The following NEK5 variants were observed in gnomAD, a reference collection of about 807,000 sequenced individuals.
NEK5 encodes serine/threonine-protein kinase Nek5.
NEK5 carries 88 observed loss-of-function variants against 109.2 expected under a neutral mutation model. That is an observed-to-expected ratio of 0.81 (90% confidence interval 0.68 to 0.96). NEK5 has a LOEUF of 0.96. Ranked by LOEUF, NEK5 falls within the 40% of genes least tolerant of loss-of-function variation. The pLI, the probability that NEK5 is intolerant of heterozygous loss-of-function variation, is 0.00. For missense variants in NEK5, 834 were observed against 920.7 expected, an observed-to-expected ratio of 0.91 and a Z score of 1.22; for synonymous variants, 283 against 299.9, an observed-to-expected ratio of 0.94 and a Z score of 0.58.
At chr13:52,082,993 A>G (rs1022960840) in intron 17 of NEK5, among the ~76,000 whole-genome samples, 1 of 152,284 alleles carries the variant, frequency 6.6e-6, no homozygotes, top group East Asian at 1.9e-4. Context: ...CTAAAAATAC[A>G]AAAATTAGCT....
At chr13:52,087,513 T>C (rs1955175104) in intron 14 of NEK5, 59 bp from the exon 15 acceptor site, 3 of 861,130 alleles carry the variant, frequency 3.5e-6, no homozygotes, top group Non-Finnish European at 5.7e-6. Context: ...CATCTTCTGA[T>C]TTGACATTGA....
rs9526825 is a variant in NEK5, at chr13:52,035,057, G to T, written c.*1891C>A. ...TGAAAGTAAATAAACATGCACATCC[G>T]GAGCACTAAAAGAGTTGCAGAATTA... is the stretch of plus-strand genomic sequence containing the variant. On this transcript the variant is annotated 3_prime_UTR_variant, in exon 24 of 24. Coordinates refer to ENST00000684899, the MANE Select transcript of NEK5 (RefSeq NM_001365552.1). 85,298 of 151,284 alleles carry T rather than the reference G, an allele frequency of 0.56. 26,551 individuals carry two copies. Among genetic ancestry groups the T allele is most frequent in the Non-Finnish European group, 0.7 (47,599 of 67,894 alleles). 9.4% of individuals were successfully genotyped at this position (151,284 alleles called of 1,614,324 possible). A position where few individuals can be genotyped will look rare whatever the true frequency, so the allele number is the denominator to read the frequency against.
intron 23 of NEK5, among the ~76,000 whole-genome samples, chr13:52,047,044 A>T (rs1954465551): frequency 6.6e-6 from 1 of 152,170 alleles, no homozygotes; most frequent in Non-Finnish European, 1.5e-5. Context: ...ACTATCATGA[A>T]CTGACTTTTA....
At chr13:52,089,823 T>A (rs928937247) in intron 13 of NEK5, among the ~76,000 whole-genome samples, 1 of 151,568 alleles carries the variant, frequency 6.6e-6, no homozygotes, top group African/African-American at 2.4e-5. Flanking sequence ...CCGTCTCTGC[T>A]AAAAAAAATT....
intron 23 of NEK5, among the ~76,000 whole-genome samples, chr13:52,044,789 C>G (rs751664917): frequency 6.6e-6 from 1 of 152,074 alleles, no homozygotes; most frequent in African/African-American, 2.4e-5. Flanking sequence ...AATATATATA[C>G]AGAAGCATAA....
intron 4 of NEK5, among the ~76,000 whole-genome samples, chr13:52,114,162 T>C (rs1955806717): frequency 6.6e-6 from 1 of 152,206 alleles, no homozygotes; most frequent in East Asian, 1.9e-4. Context: ...TACACTTCAT[T>C]CTTTTGTACC....
intron 21 of NEK5, among the ~76,000 whole-genome samples, chr13:52,063,204 C>T (rs1176878560): frequency 6.6e-6 from 1 of 152,220 alleles, no homozygotes; most frequent in African/African-American, 2.4e-5. Context: ...TGCCGAGTGC[C>T]CGTGATTACA....
intron 23 of NEK5, among the ~76,000 whole-genome samples, chr13:52,043,827 C>T (rs578142283): frequency 6.6e-6 from 1 of 152,204 alleles, no homozygotes; most frequent in East Asian, 1.9e-4. Context: ...GGAACTCTTA[C>T]ACACTGTTCA....
intron 12 of NEK5, among the ~76,000 whole-genome samples, chr13:52,097,083 C>T (rs886445163): frequency 1.3e-5 from 2 of 152,230 alleles, no homozygotes; most frequent in African/African-American, 2.4e-5. Flanking sequence ...GGTGTTAAGT[C>T]TGCAGATGCA....
rs544676401 is a variant in NEK5, at chr13:52,070,815, A to C, written c.1849+1129T>G. Among the ~76,000 whole-genome samples, 7 of 152,350 alleles carry C rather than the reference A, an allele frequency of 4.6e-5. No homozygotes were observed. The South Asian group carries it at 1.4e-3, about 32-fold the overall frequency. Reference sequence around the variant, plus strand: ...AAGGCAATACAGCAAGGGGAAGGAAAAGGGAAAATGAAAAGACAGCACTTA... The same window carrying C: ...AAGGCAATACAGCAAGGGGAAGGAACAGGGAAAATGAAAAGACAGCACTTA... On this transcript the variant is annotated intron_variant, in intron 20 of 23. Transcript: ENST00000684899.
chr13:52,064,164 C>A, intron 21 of NEK5, among the ~76,000 whole-genome samples: 1 of 142,428 alleles, frequency 7.0e-6, no homozygotes, highest in East Asian at 2.2e-4. Flanking sequence ...GCCGCCCTGT[C>A]CGGGAGGGAG....
At chr13:52,047,085 A>T (rs1330302873) in intron 23 of NEK5, among the ~76,000 whole-genome samples, 4 of 152,186 alleles carry the variant, frequency 2.6e-5, no homozygotes, top group Non-Finnish European at 5.9e-5. Flanking sequence ...ATAATCCAAA[A>T]ATCTGACAAC....
chr13:52,125,339 G>A (rs1053511579), intron 3 of NEK5, among the ~76,000 whole-genome samples: 12 of 152,214 alleles, frequency 7.9e-5, no homozygotes, highest in African/African-American at 2.9e-4. Context: ...CGAGGCGGGT[G>A]GATCACGAAG....
At chr13:52,076,012 C>T in intron 18 of NEK5, 51 bp downstream of exon 18, 1 of 1,179,542 alleles carries the variant, frequency 8.5e-7, no homozygotes, top group Non-Finnish European at 1.2e-6. Context: ...CACAAGGTGG[C>T]TCCCCAGCCA....
At chr13:52,062,956 C>T (rs1954625751) in intron 21 of NEK5, among the ~76,000 whole-genome samples, 1 of 152,146 alleles carries the variant, frequency 6.6e-6, no homozygotes, top group Admixed American at 6.5e-5. Context: ...ATGACAACAG[C>T]AGCAGCTACC....
At chr13:52,087,905 A>G (rs188740571) in intron 14 of NEK5, among the ~76,000 whole-genome samples, 109 of 144,496 alleles carry the variant, frequency 7.5e-4, no homozygotes, top group Admixed American at 1.8e-3. Context: ...GATTACAGGC[A>G]TGAGCCATCA....
Position 52,108,341 on chromosome 13 carries a change from C to T in NEK5, c.531G>A (p.Gln177=), listed in dbSNP as rs558062235. 9.9e-6 allele frequency: 16 copies of T among 1,611,382 alleles called. No homozygotes were observed. The South Asian group carries it at 1.4e-4, about 14-fold the overall frequency. The part of the protein sequence containing the change: ...TPYYLSPEIC[Q]NKPYNNKTDI... ...ACGTTTTATTGTTGTAGGGTTTATTCTGACAGATCTCTGGGGACAGGTAGT... is the reference window on the plus strand; with the variant it reads ...ACGTTTTATTGTTGTAGGGTTTATTTTGACAGATCTCTGGGGACAGGTAGT... Residue 177 remains glutamine, a synonymous_variant, in exon 8 of 24, where the codon CAG becomes CAA. Transcript: ENST00000684899.
chr13:52,089,537 G>A (rs1006333355), intron 13 of NEK5, among the ~76,000 whole-genome samples: 1 of 152,142 alleles, frequency 6.6e-6, no homozygotes, highest in Non-Finnish European at 1.5e-5. Flanking sequence ...ATACAGGAGA[G>A]GATTAAACAG....
intron 20 of NEK5, 48 bp from the exon 21 acceptor site, chr13:52,065,657 A>C: frequency 1.4e-6 from 2 of 1,388,924 alleles, no homozygotes; most frequent in Non-Finnish European, 2.0e-6. Flanking sequence ...TCAAAGTGTG[A>C]CTAATTGTCC....
Sources: gnomAD v4.1 joint callset for allele counts (sites outside exome capture counted in the v4.1 genomes callset) on GRCh38, gnomAD v4.1.1 for gene constraint, MANE v1.5 for transcripts, NCBI Gene and HGNC (gene_info 2026-07-23, HGNC 2026-07-21) for gene names.